Variants in CA5A observed in about 807,000 individuals in gnomAD.
CA5A encodes carbonic anhydrase 5A, mitochondrial.
In CA5A, 28 loss-of-function variants were observed where a neutral mutation model predicts 37.1. The ratio of observed to expected loss-of-function variants is 0.75; its 90% confidence interval spans 0.56 to 1.03. The LOEUF is 1.03. Among genes scored for constraint, CA5A ranks in the 50% least tolerant of loss-of-function variants. The pLI is 0.00. For synonymous variants in CA5A, 171 were observed against 158.4 expected, an observed-to-expected ratio of 1.08 and a Z score of -0.60; for missense variants, 444 against 399.9, an observed-to-expected ratio of 1.11 and a Z score of -0.94.
intron 2 of CA5A, among the ~76,000 whole-genome samples, chr16:87,907,948 C>G (rs767009088): frequency 6.6e-6 from 1 of 152,158 alleles, no homozygotes; most frequent in Non-Finnish European, 1.5e-5. Flanking sequence ...AACAAACAAA[C>G]AAAAGCGGTT....
chr16:87,932,777 G>A (rs149518175), intron 1 of CA5A, among the ~76,000 whole-genome samples: 56 of 152,292 alleles, frequency 3.7e-4, no homozygotes, highest in African/African-American at 1.3e-3. Context: ...TCTCCCCGAT[G>A]CATTCTCAGT....
chr16:87,894,665 A>T (rs138040951), intron 5 of CA5A, among the ~76,000 whole-genome samples: 3,081 of 152,056 alleles, frequency 0.02, 112 homozygotes, highest in African/African-American at 0.07. Context: ...GATCACCTGA[A>T]GTCAGGAGTT....
intron 5 of CA5A, among the ~76,000 whole-genome samples, chr16:87,894,362 T>A (rs2055770511): frequency 1.3e-5 from 2 of 152,114 alleles, no homozygotes; most frequent in South Asian, 4.2e-4. Flanking sequence ...CTCAGCCACA[T>A]CACATCACCT....
chr16:87,901,405 A>G lies in CA5A; in HGVS notation c.618+507T>C, dbSNP rs535124708. 2.6e-5 allele frequency among the ~76,000 whole-genome samples: 4 copies of G among 152,286 alleles called. No individual in the cohort carries two copies. In the East Asian group the frequency reaches 7.7e-4, roughly 29 times the overall value. On this transcript the variant is annotated intron_variant, in intron 5 of 6. Coordinates refer to ENST00000649794, the MANE Select transcript of CA5A (RefSeq NM_001739.2). ...CAGGGTCCCAGAGCAGTGGTGATGC[A>G]TTCGAAGTCAGAGAGACCTAGCTGT...
intron 5 of CA5A, 73 bp from the exon 6 acceptor site, chr16:87,892,027 T>G (rs1436439129): frequency 1.5e-6 from 2 of 1,368,498 alleles, no homozygotes; most frequent in Admixed American, 3.3e-5. Flanking sequence ...TCTCAGCACG[T>G]GAGGCCTTCA....
intron 2 of CA5A, among the ~76,000 whole-genome samples, chr16:87,905,765 C>T (rs2055952131): frequency 6.6e-6 from 1 of 152,238 alleles, no homozygotes; most frequent in Non-Finnish European, 1.5e-5. Flanking sequence ...TATTGGAACA[C>T]TCCTTCCTTC....
chr16:87,909,848 C>T (rs2056024625), intron 2 of CA5A, among the ~76,000 whole-genome samples: 1 of 152,182 alleles, frequency 6.6e-6, no homozygotes, highest in Admixed American at 6.5e-5. Flanking sequence ...TTCCTGTAGA[C>T]AACACAGCAT....
intron 2 of CA5A, among the ~76,000 whole-genome samples, chr16:87,910,645 T>C (rs1309517270): frequency 1.3e-5 from 2 of 152,142 alleles, no homozygotes; most frequent in Non-Finnish European, 2.9e-5. Flanking sequence ...TGGGGTGCTC[T>C]CGGCTCACTT....
At chr16:87,934,814 G>C (rs1012376800) in intron 1 of CA5A, among the ~76,000 whole-genome samples, 4 of 152,146 alleles carry the variant, frequency 2.6e-5, no homozygotes, top group Admixed American at 2.6e-4. Flanking sequence ...ACAGAAATTA[G>C]TTGGGCGTGG....
At chr16:87,906,739 C>G (rs542253839) in intron 2 of CA5A, among the ~76,000 whole-genome samples, 2 of 152,342 alleles carry the variant, frequency 1.3e-5, no homozygotes, top group South Asian at 4.1e-4. Flanking sequence ...AGCCACAGAG[C>G]TGCTCACTGC....
chr16:87,887,490 C>T (rs908434893), downstream of CA5A: 10 of 152,556 alleles, frequency 6.6e-5, no homozygotes, highest in African/African-American at 2.2e-4. Context: ...TCTTGGCTCA[C>T]TGCAACCTCT....
chr16:87,899,196 G>A (rs1235036756), intron 5 of CA5A, among the ~76,000 whole-genome samples: 2 of 152,128 alleles, frequency 1.3e-5, no homozygotes, highest in East Asian at 1.9e-4. Context: ...CCTAGGCTAG[G>A]AGCCTCTAGG....
intron 1 of CA5A, among the ~76,000 whole-genome samples, chr16:87,935,577 C>G (rs778607408): frequency 2.6e-5 from 4 of 151,994 alleles, no homozygotes; most frequent in Non-Finnish European, 4.4e-5. Flanking sequence ...TCACCAAATA[C>G]AAGAGAAACG....
chr16:87,927,065 C>G (rs1055413186), intron 1 of CA5A, 120 bp from the exon 2 acceptor site: 1 of 726,490 alleles, frequency 1.4e-6, no homozygotes, highest in Non-Finnish European at 2.3e-6. Flanking sequence ...GGAAACTGAC[C>G]CACGGGAAAC....
Position 87,891,221 on chromosome 16 carries a change from G to A in CA5A, c.774+578C>T, listed in dbSNP as rs1200259526. Among the ~76,000 whole-genome samples the A allele has an allele frequency of 1.2e-4, 18 of 151,344 alleles. No homozygotes were observed. In the East Asian group the frequency reaches 1.4e-3, roughly 11 times the overall value. On this transcript the variant is annotated intron_variant, in intron 6 of 6. Transcript: ENST00000649794. ...GGTGGCTTATGCCTGGAATCCCAGC[G>A]CTTTGGGAGGCCAAGGTGGGCAGAT...
At chr16:87,925,849 G>A (rs1286808383) in intron 2 of CA5A, among the ~76,000 whole-genome samples, 1 of 145,572 alleles carries the variant, frequency 6.9e-6, no homozygotes, top group Admixed American at 6.8e-5. Context: ...GCATCTCCCC[G>A]GACTGCCTCC....
intron 5 of CA5A, among the ~76,000 whole-genome samples, chr16:87,895,120 C>G (rs1252904704): frequency 5.9e-5 from 9 of 152,132 alleles, no homozygotes; most frequent in Admixed American, 5.2e-4. Context: ...TGCAGTGGTG[C>G]ACGCCTGTGG....
At chr16:87,935,007 G>A (rs1205187946) in intron 1 of CA5A, among the ~76,000 whole-genome samples, 2 of 152,192 alleles carry the variant, frequency 1.3e-5, no homozygotes, top group Non-Finnish European at 2.9e-5. Flanking sequence ...CTTTCTACAC[G>A]CATCGTGTCA....
At chr16:87,929,479 G>C (rs929969191) in intron 1 of CA5A, among the ~76,000 whole-genome samples, 15 of 148,306 alleles carry the variant, frequency 1.0e-4, no homozygotes, top group Non-Finnish European at 1.8e-4. Context: ...AAGATATATA[G>C]TCCTGTCAGA....
Sources: gnomAD v4.1 joint callset for allele counts (sites outside exome capture counted in the v4.1 genomes callset) on GRCh38, gnomAD v4.1.1 for gene constraint, MANE v1.5 for transcripts, NCBI Gene and HGNC (gene_info 2026-07-23, HGNC 2026-07-21) for gene names.